The following MTIF2 variants were observed in gnomAD, a reference collection of about 807,000 sequenced individuals.
MTIF2 encodes the protein mitochondrial translational initiation factor 2.
A neutral mutation model predicts 83.5 loss-of-function variants in MTIF2; 71 were observed. The observed-to-expected ratio is 0.85, with a 90% CI of 0.70 to 1.04. The LOEUF is 1.04. Ranked by LOEUF, MTIF2 falls within the 50% of genes least tolerant of loss-of-function variation. MTIF2 has a pLI of 0.00. For missense variants in MTIF2, 957 were observed against 846.5 expected, an observed-to-expected ratio of 1.13 and a Z score of -1.62; for synonymous variants, 319 against 287.1, an observed-to-expected ratio of 1.11 and a Z score of -1.12.
At chr2:55,266,386 C>A (rs375723340) in intron 3 of MTIF2, 6 of 151,622 alleles carry the variant, frequency 4.0e-5, no homozygotes, top group African/African-American at 1.5e-4. Context: ...ATTACCTGGG[C>A]GTGGTGGCAC....
Position 55,269,213 on chromosome 2 carries a change from C to T in MTIF2, c.-281G>A, listed in dbSNP as rs1348912399. The T allele has an allele frequency of 6.6e-6, 1 of 152,346 alleles. No homozygotes were observed. The highest frequency in any genetic ancestry group is 1.5e-5 in the Non-Finnish European group (1 of 68,126). The allele number at this position is 152,346 out of a possible 1,614,324, so 9.4% of individuals were successfully genotyped here. A position where few individuals can be genotyped will look rare whatever the true frequency, so the allele number is the denominator to read the frequency against. On this transcript the variant is annotated 5_prime_UTR_variant, in exon 1 of 16. Coordinates refer to ENST00000263629, the MANE Select transcript of MTIF2 (RefSeq NM_002453.3). Reference sequence around the variant, plus strand: ...GATTCTGAGCACGGGCGGAGATCACCTTCTGGACCCGGAAGAATGGTCGGT... The same window carrying T: ...GATTCTGAGCACGGGCGGAGATCACTTTCTGGACCCGGAAGAATGGTCGGT...
At position 55,263,862 on chromosome 2, in the gene MTIF2, T is replaced by C; in HGVS notation, c.-4A>G. 6.3e-7 allele frequency: 1 copy of C among 1,594,064 alleles called. No individual in the cohort carries two copies. The highest frequency in any genetic ancestry group is 2.2e-5 in the East Asian group (1 of 44,790). Reference sequence around the variant, plus strand: ...ACTTCAGTAGCTTCTGGTTCATGTTTCTCCTGGGGAAAAAAAAAAGGTTTT... The same window carrying C: ...ACTTCAGTAGCTTCTGGTTCATGTTCCTCCTGGGGAAAAAAAAAAGGTTTT... On this transcript the variant is annotated 5_prime_UTR_variant, in exon 4 of 16. Coordinates refer to ENST00000263629, the MANE Select transcript of MTIF2 (RefSeq NM_002453.3).
chr2:55,261,923 T>C (rs372556228), intron 5 of MTIF2, among the ~76,000 whole-genome samples: 5 of 124,376 alleles, frequency 4.0e-5, no homozygotes, highest in South Asian at 2.4e-4. Context: ...AGCAAGACCC[T>C]GTCTCAAAAA....
chr2:55,265,501 A>G (rs1033609387), intron 3 of MTIF2, among the ~76,000 whole-genome samples: 2 of 151,936 alleles, frequency 1.3e-5, no homozygotes, highest in African/African-American at 4.8e-5. Flanking sequence ...ATTTCTATAA[A>G]TTGTAAAGTC....
At chr2:55,255,476 T>C (rs1677444658) in intron 5 of MTIF2, among the ~76,000 whole-genome samples, 1 of 147,084 alleles carries the variant, frequency 6.8e-6, no homozygotes. Context: ...ATGTAAAATA[T>C]TTATATATAA....
At chr2:55,267,404 C>G (rs572723035) in intron 3 of MTIF2, among the ~76,000 whole-genome samples, 165 bp downstream of exon 3, 18 of 152,272 alleles carry the variant, frequency 1.2e-4, no homozygotes, top group African/African-American at 4.1e-4. Context: ...GGTGATCTAT[C>G]CGCCTTGGCC....
chr2:55,244,308 TAA>T (rs1676538039), intron 10 of MTIF2, 75 bp from the exon 11 acceptor site: 1 of 1,112,322 alleles, frequency 9.0e-7, no homozygotes, highest in Non-Finnish European at 1.3e-6. Context: ...TTATGAAGTT[TAA>T]GTTATATAAA....
intron 3 of MTIF2, chr2:55,266,375 A>G (rs1259851886): frequency 6.6e-6 from 1 of 151,584 alleles, no homozygotes; most frequent in Non-Finnish European, 1.5e-5. Context: ...AATACAAAAA[A>G]ATTACCTGGG....
chr2:55,259,777 C>T lies in MTIF2; in HGVS notation c.331+2539G>A, dbSNP rs186638850. On this transcript the variant is annotated intron_variant, in intron 5 of 15. Transcript: ENST00000263629. ...CGGCCCACATAGTGAAACTCTGTCT[C>T]TACTAAAAATACAAATATTAGCTGG... 2.6e-5 allele frequency among the ~76,000 whole-genome samples: 4 copies of T among 152,232 alleles called. No individual in the cohort carries two copies. The East Asian group carries it at 7.7e-4, about 29-fold the overall frequency.
At position 55,246,461 on chromosome 2, in the gene MTIF2, C is replaced by T; in HGVS notation, c.982G>A (p.Gly328Ser). 2 of 1,613,118 alleles carry T rather than the reference C, an allele frequency of 1.2e-6. No homozygotes were observed. The highest frequency in any genetic ancestry group is 1.7e-6 in the Non-Finnish European group (2 of 1,179,342). The change falls in exon 10 of 16, where the codon GGC (glycine) becomes AGC (serine). Residue 328 changes from glycine (G) to serine (S), a missense_variant and splice_region_variant. By Grantham distance (56) the Gly-to-Ser change is moderately conservative. Transcript: ENST00000263629. ...TCTGCCAAAGCCATCAGATTATCGC[C>T]CTTTAACAATAACAAACGTTGTTAA... ...VQAVPVSALT[G>S]DNLMALAEAT... is the part of the protein sequence containing the mutation.
chr2:55,249,417 G>T lies in MTIF2; in HGVS notation c.959C>A (p.Ala320Glu). 1 of 1,614,110 alleles carries T rather than the reference G, an allele frequency of 6.2e-7. No individual in the cohort carries two copies. The highest frequency in any genetic ancestry group is 8.5e-7 in the Non-Finnish European group (1 of 1,180,000). Reference sequence around the variant, plus strand: ...TACCGTAAGTGCGGAGACAGGCACTGCTTGAACATCACCTCCATAATCTTC... The same window carrying T: ...TACCGTAAGTGCGGAGACAGGCACTTCTTGAACATCACCTCCATAATCTTC... ...VCEDYGGDVQ[A>E]VPVSALTGDN... Residue 320 changes from alanine (A) to glutamate (E), a missense_variant, in exon 9 of 16, where the codon GCA becomes GAA. By Grantham distance (107) the Ala-to-Glu change is moderately radical. Transcript: ENST00000263629.
At chr2:55,262,957 G>C (rs973932171) in intron 4 of MTIF2, among the ~76,000 whole-genome samples, 4 of 152,206 alleles carry the variant, frequency 2.6e-5, no homozygotes, top group Admixed American at 1.3e-4. Flanking sequence ...TTGAACTCTT[G>C]ATCTTGTGAT....
At chr2:55,250,394 G>T (rs1463445872) in intron 8 of MTIF2, among the ~76,000 whole-genome samples, 5 of 148,722 alleles carry the variant, frequency 3.4e-5, no homozygotes, top group African/African-American at 1.2e-4. Context: ...AGCAAGATCA[G>T]TAAGTACACT....
At chr2:55,252,261 C>T (rs1204950622) in intron 8 of MTIF2, among the ~76,000 whole-genome samples, 2 of 152,046 alleles carry the variant, frequency 1.3e-5, no homozygotes, top group Non-Finnish European at 2.9e-5. Flanking sequence ...AAGATTGTAC[C>T]TGTGGTCTGT....
chr2:55,254,345 A>G lies in MTIF2; in HGVS notation c.504-144T>C. ...TGGATTAGACCTATTTCCCCCTCCT[A>G]TACATATGACAGACTATTTAATAAC... On this transcript the variant is annotated intron_variant, in intron 6 of 15. Transcript: ENST00000263629. 3 of 705,730 alleles carry G rather than the reference A, an allele frequency of 4.3e-6. No homozygotes were observed. The South Asian group carries it at 6.4e-5, about 15-fold the overall frequency. 43.7% of individuals were successfully genotyped at this position (705,730 alleles called of 1,614,324 possible).
chr2:55,254,278 T>A, intron 6 of MTIF2, 77 bp from the exon 7 acceptor site: 1 of 1,494,958 alleles, frequency 6.7e-7, no homozygotes, highest in Non-Finnish European at 9.1e-7. Context: ...TTCACATTTA[T>A]CCCTGTGAAC....
chr2:55,259,028 C>T (rs187156930), intron 5 of MTIF2, among the ~76,000 whole-genome samples: 12 of 152,058 alleles, frequency 7.9e-5, no homozygotes, highest in East Asian at 3.9e-4. Flanking sequence ...GGTAACAATA[C>T]CTAATACTCT....
intron 4 of MTIF2, among the ~76,000 whole-genome samples, chr2:55,263,344 T>G (rs1195322963): frequency 3.9e-5 from 6 of 152,238 alleles, no homozygotes; most frequent in African/African-American, 1.4e-4. Flanking sequence ...AATACTTTAT[T>G]GCATTAAGTA....
chr2:55,263,532 C>A (rs1558582945), intron 4 of MTIF2, 108 bp downstream of exon 4: 9 of 809,622 alleles, frequency 1.1e-5, no homozygotes, highest in South Asian at 1.1e-4. Context: ...ATTGCTTAAA[C>A]CCAAGAGGCG....
Sources: allele counts gnomAD v4.1 joint callset (sites outside exome capture counted in the v4.1 genomes callset), GRCh38; gene constraint gnomAD v4.1.1; transcripts MANE v1.5; gene names NCBI Gene and HGNC (gene_info 2026-07-23, HGNC 2026-07-21).